SLC2A13: variants seen among roughly 807,000 people sequenced by gnomAD.
SLC2A13 encodes the protein solute carrier family 2 member 13.
A neutral mutation model predicts 64.4 loss-of-function variants in SLC2A13; 32 were observed. The ratio of observed to expected loss-of-function variants is 0.50; its 90% CI spans 0.37 to 0.67. The LOEUF is 0.67. Ranked by LOEUF, SLC2A13 falls within the 30% of genes least tolerant of loss-of-function variation. The probability of loss-of-function intolerance (pLI) is 0.00; values close to 1 mark genes in which losing one functional copy is unlikely to be tolerated. For synonymous variants in SLC2A13, 338 were observed against 327.1 expected (o/e 1.03, Z -0.36); for missense variants, 743 against 829.2 (o/e 0.90, Z 1.28).
At chr12:39,854,326 G>A (rs780500312) in intron 6 of SLC2A13, among the ~76,000 whole-genome samples, 2 of 152,148 alleles carry the variant, frequency 1.3e-5, no homozygotes, top group South Asian at 4.2e-4. Context: ...AATAATACTT[G>A]AATATTGTAA....
intron 7 of SLC2A13, among the ~76,000 whole-genome samples, chr12:39,812,835 C>CT (rs780822070): frequency 0.016 from 2,037 of 127,936 alleles, 27 homozygotes; most frequent in African/African-American, 0.029. Context: ...GTAGTATTAC[C>CT]TTTTTTTTTT....
chr12:39,761,281 G>A (rs538588952), intron 9 of SLC2A13, among the ~76,000 whole-genome samples: 1 of 152,034 alleles, frequency 6.6e-6, no homozygotes, highest in South Asian at 2.1e-4. Flanking sequence ...CTACTTAAGT[G>A]TTGGCAGTTT....
chr12:40,098,061 A>G (rs1427135648), intron 1 of SLC2A13, among the ~76,000 whole-genome samples: 1 of 151,092 alleles, frequency 6.6e-6, no homozygotes, highest in Admixed American at 6.6e-5. Flanking sequence ...ATATATGTAT[A>G]TATGTGTATA....
chr12:39,920,483 C>G (rs1945596264), intron 4 of SLC2A13, among the ~76,000 whole-genome samples: 1 of 152,068 alleles, frequency 6.6e-6, no homozygotes, highest in African/African-American at 2.4e-5. Context: ...CACTCTCTAT[C>G]CTGATCAGAA....
At chr12:39,993,899 T>C (rs1355292132) in intron 3 of SLC2A13, among the ~76,000 whole-genome samples, 1 of 152,192 alleles carries the variant, frequency 6.6e-6, no homozygotes, top group African/African-American at 2.4e-5. Flanking sequence ...TTAAATATCA[T>C]TTAAATCTAA....
chr12:40,078,165 G>A (rs1054431449), intron 1 of SLC2A13, among the ~76,000 whole-genome samples: 1 of 152,106 alleles, frequency 6.6e-6, no homozygotes, highest in Admixed American at 6.5e-5. Context: ...TGATTGCTCT[G>A]GCTAGGACAT....
chr12:39,764,475 A>G lies in SLC2A13; in HGVS notation c.1705T>C (p.Tyr569His), dbSNP rs371762067. ...VSLTFLHTAE[Y>H]LTYYGAFFLY... is the part of the protein sequence containing the mutation. ...ATTATCTTACCATAGTATGTAAGAT[A>G]CTCTGCTGTGTGTAAAAATGTTAGT... Residue 569 changes from tyrosine to histidine, a missense_variant, in exon 9 of 10, where the codon TAT (tyrosine) becomes CAT (histidine). Transcript: ENST00000280871. 8.8e-6 allele frequency: 14 copies of G among 1,596,554 alleles called. No homozygotes were observed. The highest frequency in any genetic ancestry group is 1.2e-5 in the Non-Finnish European group (14 of 1,175,106).
chr12:39,890,855 A>T, intron 4 of SLC2A13, among the ~76,000 whole-genome samples: 1 of 152,152 alleles, frequency 6.6e-6, no homozygotes, highest in East Asian at 1.9e-4. Context: ...TTAAAATAAT[A>T]TGAGAAAATA....
chr12:39,775,765 A>G (rs1482089822), intron 7 of SLC2A13, among the ~76,000 whole-genome samples: 1 of 152,196 alleles, frequency 6.6e-6, no homozygotes, highest in Non-Finnish European at 1.5e-5. Flanking sequence ...AAGGTAATTT[A>G]TTACTTAATG....
chr12:39,870,448 T>C (rs1944017010), intron 5 of SLC2A13, among the ~76,000 whole-genome samples: 1 of 152,200 alleles, frequency 6.6e-6, no homozygotes, highest in African/African-American at 2.4e-5. Flanking sequence ...TGGATAGCTC[T>C]GATTATTGGG....
intron 1 of SLC2A13, among the ~76,000 whole-genome samples, chr12:40,096,224 C>T (rs559544742): frequency 3.3e-5 from 5 of 152,116 alleles, no homozygotes; most frequent in Admixed American, 2.0e-4. Context: ...CCACCGCACC[C>T]GGCCAGCCCT....
At chr12:40,028,672 T>G (rs1224249372) in intron 2 of SLC2A13, among the ~76,000 whole-genome samples, 163 bp from the exon 3 acceptor site, 1 of 152,196 alleles carries the variant, frequency 6.6e-6, no homozygotes, top group Non-Finnish European at 1.5e-5. Context: ...AAAAGGATAT[T>G]TTTGTGCTGC....
chr12:39,864,554 C>T (rs1482488144), intron 6 of SLC2A13, among the ~76,000 whole-genome samples: 1 of 152,190 alleles, frequency 6.6e-6, no homozygotes, highest in African/African-American at 2.4e-5. Flanking sequence ...AACCCACTCT[C>T]TCCTTAATTC....
intron 1 of SLC2A13, among the ~76,000 whole-genome samples, chr12:40,101,606 C>G (rs1939150463): frequency 6.6e-6 from 1 of 152,178 alleles, no homozygotes; most frequent in African/African-American, 2.4e-5. Context: ...GATGTTAAAT[C>G]TGATTACATT....
chr12:39,961,442 T>C (rs1038851742), intron 3 of SLC2A13, among the ~76,000 whole-genome samples: 1 of 152,220 alleles, frequency 6.6e-6, no homozygotes, highest in Non-Finnish European at 1.5e-5. Flanking sequence ...ATACGTATCC[T>C]TAAACAGATT....
intron 4 of SLC2A13, among the ~76,000 whole-genome samples, chr12:39,922,267 T>C (rs1233634748): frequency 6.6e-6 from 1 of 152,244 alleles, no homozygotes; most frequent in Non-Finnish European, 1.5e-5. Flanking sequence ...TCTTTTCTGA[T>C]GTAACATCTA....
At chr12:39,866,537 G>A (rs1943915702) in intron 5 of SLC2A13, among the ~76,000 whole-genome samples, 1 of 151,920 alleles carries the variant, frequency 6.6e-6, no homozygotes, top group Admixed American at 6.6e-5. Context: ...GGAGTGCAGT[G>A]GCGCGATCTC....
intron 3 of SLC2A13, among the ~76,000 whole-genome samples, chr12:39,978,492 G>C (rs181484283): frequency 2.6e-5 from 4 of 152,316 alleles, no homozygotes; most frequent in Admixed American, 2.6e-4. Context: ...GAAGCAGGGC[G>C]AGGCATTGCC....
At chr12:40,028,919 T>G (rs1947864776) in intron 2 of SLC2A13, among the ~76,000 whole-genome samples, 1 of 152,200 alleles carries the variant, frequency 6.6e-6, no homozygotes. Context: ...AGGCACACTT[T>G]TCATTAAAAT....
Sources: allele counts gnomAD v4.1 joint callset (sites outside exome capture counted in the v4.1 genomes callset), GRCh38; gene constraint gnomAD v4.1.1; transcripts MANE v1.5; gene names NCBI Gene and HGNC (gene_info 2026-07-23, HGNC 2026-07-21).